ZNF385B: variants seen among roughly 807,000 people sequenced by gnomAD.
ZNF385B encodes zinc finger protein 533.
A neutral mutation model predicts 39.2 loss-of-function variants in ZNF385B; 23 were observed. The observed-to-expected ratio is 0.59, with a 90% CI of 0.42 to 0.83. The LOEUF (loss-of-function observed/expected upper bound fraction) is 0.83, where lower values mean the gene tolerates loss of function less well. Ranked by LOEUF, ZNF385B falls within the 40% of genes least tolerant of loss-of-function variation. The pLI is 0.00. For missense variants in ZNF385B, 552 were observed against 598.9 expected, an observed-to-expected ratio of 0.92 and a Z score of 0.82; for synonymous variants, 205 against 222.6, an observed-to-expected ratio of 0.92 and a Z score of 0.70.
At chr2:179,652,284 G>C (rs1693263940) in intron 3 of ZNF385B, among the ~76,000 whole-genome samples, 1 of 152,132 alleles carries the variant, frequency 6.6e-6, no homozygotes, top group African/African-American at 2.4e-5. Context: ...CGAATAAAAA[G>C]TATACATCCA....
chr2:179,683,559 T>A lies in ZNF385B; in HGVS notation c.298+85944A>T, dbSNP rs569405292. ...GGCGCAGTCTCAGCTCACTGTAACA[T>A]CTGCCTCCCGGGTTCAAGTGATTCT... On this transcript the variant is annotated intron_variant, in intron 3 of 9. Transcript: ENST00000410066. Among the ~76,000 whole-genome samples, 4 of 151,454 alleles carry A rather than the reference T, an allele frequency of 2.6e-5. No individual in the cohort carries two copies. The South Asian group carries it at 6.3e-4, about 24-fold the overall frequency.
At position 179,524,551 on chromosome 2, in the gene ZNF385B, C is replaced by CAAAAAAAAAAAAAAAAAAAA. The variant is rs770219234; in HGVS notation, c.442-5933_442-5914dup. ...TGGGTGACAGAGCGAGACTCCGTCTCAAAAAAAAAAAAAAAAAAAAAAAAA... is the reference window on the plus strand; with the variant it reads ...TGGGTGACAGAGCGAGACTCCGTCTCAAAAAAAAAAAAAAAAAAAAAAAAAAAAAAAAAAAAAAAAAAAAA... On this transcript the variant is annotated intron_variant, in intron 4 of 9. Coordinates refer to ENST00000410066, the MANE Select transcript of ZNF385B (RefSeq NM_152520.6). Among the ~76,000 whole-genome samples the CAAAAAAAAAAAAAAAAAAAA allele has an allele frequency of 1.5e-4, 9 of 60,988 alleles. 1 individual carries two copies. Among genetic ancestry groups the CAAAAAAAAAAAAAAAAAAAA allele is most frequent in the African/African-American group, 6.2e-4 (8 of 12,894 alleles). 40.0% of individuals were successfully genotyped at this position (60,988 alleles called of 152,430 possible). A position where few individuals can be genotyped will look rare whatever the true frequency, so the allele number is the denominator to read the frequency against.
intron 3 of ZNF385B, among the ~76,000 whole-genome samples, chr2:179,763,454 G>T (rs1277811688): frequency 2.6e-5 from 4 of 152,048 alleles, no homozygotes; most frequent in African/African-American, 9.7e-5. Context: ...TAAGCTTTTT[G>T]TTTTATGGAC....
intron 6 of ZNF385B, among the ~76,000 whole-genome samples, chr2:179,453,313 C>T (rs2050340025): frequency 6.6e-6 from 1 of 152,152 alleles, no homozygotes. Context: ...TTTAGTATTA[C>T]AGCATGTTAG....
At chr2:179,628,747 C>T (rs1042670589) in intron 3 of ZNF385B, among the ~76,000 whole-genome samples, 1 of 152,116 alleles carries the variant, frequency 6.6e-6, no homozygotes, top group African/African-American at 2.4e-5. Flanking sequence ...TGGTTTAGGT[C>T]TTTTTTTCCT....
At chr2:179,776,361 G>A (rs1252168955) in intron 1 of ZNF385B, among the ~76,000 whole-genome samples, 40 of 152,154 alleles carry the variant, frequency 2.6e-4, no homozygotes, top group Admixed American at 2.6e-3. Context: ...AGGCATTCCT[G>A]CTGTGGAAGG....
chr2:179,736,432 T>A (rs1166337168), intron 3 of ZNF385B, among the ~76,000 whole-genome samples: 5 of 152,210 alleles, frequency 3.3e-5, no homozygotes, highest in African/African-American at 1.2e-4. Context: ...ATTAAGCTTT[T>A]ACTATATGGT....
chr2:179,700,004 T>C (rs1445422981), intron 3 of ZNF385B, among the ~76,000 whole-genome samples: 1 of 151,874 alleles, frequency 6.6e-6, no homozygotes, highest in Non-Finnish European at 1.5e-5. Context: ...CCTGCTCTCT[T>C]CATTGAGGAG....
At chr2:179,856,420 C>T (rs752047146) in intron 1 of ZNF385B, among the ~76,000 whole-genome samples, 2 of 152,012 alleles carry the variant, frequency 1.3e-5, no homozygotes, top group Non-Finnish European at 2.9e-5. Flanking sequence ...AACCCACGCC[C>T]TTCATCTACA....
intron 3 of ZNF385B, among the ~76,000 whole-genome samples, chr2:179,755,490 T>G (rs1702956320): frequency 6.6e-6 from 1 of 152,222 alleles, no homozygotes; most frequent in South Asian, 2.1e-4. Context: ...ATATCCTTGT[T>G]AACCTTCTGT....
intron 3 of ZNF385B, among the ~76,000 whole-genome samples, chr2:179,610,349 A>G (rs1689188001): frequency 6.6e-6 from 1 of 152,196 alleles, no homozygotes; most frequent in Non-Finnish European, 1.5e-5. Flanking sequence ...ATTTTTGTCA[A>G]AATGAGTTCC....
chr2:179,621,799 A>T (rs1167406044), intron 3 of ZNF385B, among the ~76,000 whole-genome samples: 1 of 152,182 alleles, frequency 6.6e-6, no homozygotes, highest in Admixed American at 6.5e-5. Context: ...TTTCAGTGCA[A>T]CCTGAAAATC....
intron 3 of ZNF385B, among the ~76,000 whole-genome samples, chr2:179,741,023 A>G (rs548244659): frequency 1.3e-5 from 2 of 152,258 alleles, no homozygotes; most frequent in South Asian, 2.1e-4. Flanking sequence ...TTCAAAGAAG[A>G]TATGGTTTTG....
At chr2:179,596,532 C>T (rs1688012747) in intron 3 of ZNF385B, among the ~76,000 whole-genome samples, 1 of 152,156 alleles carries the variant, frequency 6.6e-6, no homozygotes, top group African/African-American at 2.4e-5. Context: ...CTTCCTCTAT[C>T]GTTGGCTTCT....
At chr2:179,492,873 G>C (rs1412328357) in intron 5 of ZNF385B, among the ~76,000 whole-genome samples, 1 of 152,028 alleles carries the variant, frequency 6.6e-6, no homozygotes, top group East Asian at 1.9e-4. Context: ...TAGTCGCTTA[G>C]CCCATCTGAG....
At chr2:179,493,422 T>C (rs953964513) in intron 5 of ZNF385B, among the ~76,000 whole-genome samples, 6 of 151,604 alleles carry the variant, frequency 4.0e-5, no homozygotes, top group Admixed American at 2.0e-4. Flanking sequence ...CAAATGCATG[T>C]GTACATATAT....
At chr2:179,548,132 G>GT (rs1408223831) in intron 3 of ZNF385B, among the ~76,000 whole-genome samples, 1 of 149,594 alleles carries the variant, frequency 6.7e-6, no homozygotes, top group African/African-American at 2.5e-5. Context: ...GGAATCTTCA[G>GT]TTTTTTCCAA....
intron 3 of ZNF385B, among the ~76,000 whole-genome samples, chr2:179,566,970 A>C (rs914742383): frequency 7.1e-6 from 1 of 140,392 alleles, no homozygotes. Context: ...GCTGGAGTGC[A>C]GTGGTGCGAT....
At chr2:179,713,067 T>C (rs922462768) in intron 3 of ZNF385B, among the ~76,000 whole-genome samples, 3 of 152,172 alleles carry the variant, frequency 2.0e-5, no homozygotes, top group Non-Finnish European at 4.4e-5. Context: ...GCCAGATGAT[T>C]TTACCCAACT....
Sources: allele counts gnomAD v4.1 joint callset (sites outside exome capture counted in the v4.1 genomes callset), GRCh38; gene constraint gnomAD v4.1.1; transcripts MANE v1.5; gene names NCBI Gene and HGNC (gene_info 2026-07-23, HGNC 2026-07-21).